Variants in PEX3 observed in about 807,000 individuals in gnomAD.
PEX3 encodes peroxisomal biogenesis factor 3.
PEX3 carries 30 observed loss-of-function variants against 55.8 expected under a neutral mutation model. The observed-to-expected ratio is 0.54, with a 90% CI of 0.40 to 0.73. PEX3 has a LOEUF of 0.73. Among genes scored for constraint, PEX3 ranks in the 30% least tolerant of loss-of-function variants. PEX3 has a pLI of 0.00. For synonymous variants in PEX3, 135 were observed against 148.4 expected (o/e 0.91, Z 0.66); for missense variants, 351 against 432.8 (o/e 0.81, Z 1.68).
rs1272163907 is a variant in PEX3, at chr6:143,454,103, A to G, written c.73+2988A>G. 1.3e-5 allele frequency among the ~76,000 whole-genome samples: 2 copies of G among 152,206 alleles called. No individual in the cohort carries two copies. The highest frequency in any genetic ancestry group is 1.5e-5 in the Non-Finnish European group (1 of 68,028). ...CATACATAACATTTTCAAAAAATTA[A>G]TGAGTGTCATTGTTTTACATTTTGC... On this transcript the variant is annotated intron_variant, in intron 1 of 11. Coordinates refer to ENST00000367591, the MANE Select transcript of PEX3 (RefSeq NM_003630.3). This position sits in a 1 kb window ranked among gnomAD's most constrained non-coding sequence, Gnocchi z 4.3.
intron 2 of PEX3, among the ~76,000 whole-genome samples, chr6:143,461,882 A>T (rs1779925192): frequency 6.6e-6 from 1 of 152,222 alleles, no homozygotes; most frequent in South Asian, 2.1e-4. Flanking sequence ...CAGGAGGTCA[A>T]GGCTGCAGTG....
intron 10 of PEX3, chr6:143,484,892 C>A: frequency 2.4e-6 from 1 of 421,702 alleles, no homozygotes; most frequent in Non-Finnish European, 4.4e-6. Flanking sequence ...AATAAAAATG[C>A]AAAAACAGTG....
chr6:143,481,913 A>C (rs995354226), intron 10 of PEX3, among the ~76,000 whole-genome samples: 4 of 152,004 alleles, frequency 2.6e-5, no homozygotes, highest in Admixed American at 6.6e-5. Flanking sequence ...GGCCACAGTG[A>C]GCTATGATCA....
chr6:143,459,258 C>A lies in PEX3; in HGVS notation c.205+42C>A. 6.4e-7 allele frequency: 1 copy of A among 1,566,740 alleles called. No individual in the cohort carries two copies. Among genetic ancestry groups the A allele is most frequent in the Non-Finnish European group, 8.8e-7 (1 of 1,138,512 alleles). On this transcript the variant is annotated intron_variant, in intron 2 of 11. Transcript: ENST00000367591. The surrounding 1 kb of genome is among the most constrained non-coding windows in gnomAD (Gnocchi z 4.2). ...TTTATACATGTGTAAAGTTGTTTGA[C>A]GGTTGTATTAATTTGCATATCACCG...
At chr6:143,468,033 T>G in intron 3 of PEX3, 89 bp from the exon 4 acceptor site, 1 of 758,502 alleles carries the variant, frequency 1.3e-6, no homozygotes, top group South Asian at 1.9e-5. Context: ...TAATTTTTTT[T>G]AAAAAGTAAA....
Position 143,489,482 on chromosome 6 carries a change from T to C in PEX3, c.*256T>C. 1 of 272,648 alleles carries C rather than the reference T, an allele frequency of 3.7e-6. No individual in the cohort carries two copies. Among genetic ancestry groups the C allele is most frequent in the Non-Finnish European group, 7.0e-6 (1 of 142,232 alleles). The allele number at this position is 272,648 out of a possible 1,614,324, so 16.9% of individuals were successfully genotyped here. On this transcript the variant is annotated 3_prime_UTR_variant, in exon 12 of 12. Coordinates refer to ENST00000367591, the MANE Select transcript of PEX3 (RefSeq NM_003630.3). This position sits in a 1 kb window ranked among gnomAD's most constrained non-coding sequence, Gnocchi z 5.5. ...AGAATTGTTAATAATTTGTTACACATGGACATTTGTTCCAAACTGACTAAA... is the reference window on the plus strand; with the variant it reads ...AGAATTGTTAATAATTTGTTACACACGGACATTTGTTCCAAACTGACTAAA...
rs1307736729 is a variant in PEX3 at position 143,463,017 on chromosome 6, T to G, written c.287+20T>G. 1.3e-6 allele frequency: 2 copies of G among 1,577,494 alleles called. No homozygotes were observed. Among genetic ancestry groups the G allele is most frequent in the East Asian group, 4.5e-5 (2 of 44,706 alleles). On this transcript the variant is annotated intron_variant, in intron 3 of 11. Transcript: ENST00000367591. The surrounding 1 kb of genome is among the most constrained non-coding windows in gnomAD (Gnocchi z 5.7). ...AAACAGGTAAATGCAAGTTACAGCA[T>G]TTTCTGTTTAAGCACTACACTTAAA...
intron 1 of PEX3, among the ~76,000 whole-genome samples, chr6:143,456,103 T>C (rs1779841993): frequency 6.6e-6 from 1 of 152,226 alleles, no homozygotes; most frequent in Admixed American, 6.5e-5. Context: ...TCATTGTTAA[T>C]ACATAAAGTC....
chr6:143,464,025 A>T lies in PEX3; in HGVS notation c.287+1028A>T, dbSNP rs1174334506. Among the ~76,000 whole-genome samples, 2 of 152,098 alleles carry T rather than the reference A, an allele frequency of 1.3e-5. No homozygotes were observed. The highest frequency in any genetic ancestry group is 1.9e-4 in the East Asian group (1 of 5,204). ...GCTAGTGATGGGGGTTTTCCATTTTAAATTTCTTCATTCTTAGAGGTAGAC... is the reference window on the plus strand; with the variant it reads ...GCTAGTGATGGGGGTTTTCCATTTTTAATTTCTTCATTCTTAGAGGTAGAC... On this transcript the variant is annotated intron_variant, in intron 3 of 11. Transcript: ENST00000367591. The surrounding 1 kb of genome is among the most constrained non-coding windows in gnomAD (Gnocchi z 5.8).
At position 143,475,200 on chromosome 6, in the gene PEX3, A is replaced by G. The variant is rs1780136135; in HGVS notation, c.818+344A>G. 6.6e-6 allele frequency among the ~76,000 whole-genome samples: 1 copy of G among 152,180 alleles called. No homozygotes were observed. Among genetic ancestry groups the G allele is most frequent in the South Asian group, 2.1e-4 (1 of 4,830 alleles). ...AGTGATCTTTTGCCATATCCAATGA[A>G]CCTGTAATGTTCATCTTACTTGACC... On this transcript the variant is annotated intron_variant, in intron 9 of 11. Transcript: ENST00000367591. The surrounding 1 kb of genome is among the most constrained non-coding windows in gnomAD (Gnocchi z 4.4).
rs397705490 is a variant in PEX3 at position 143,462,894 on chromosome 6, A to AT, written c.206-14dup. On this transcript the variant is annotated intron_variant, in intron 2 of 11. Coordinates refer to ENST00000367591, the MANE Select transcript of PEX3 (RefSeq NM_003630.3). The surrounding 1 kb of genome is among the most constrained non-coding windows in gnomAD (Gnocchi z 4.1). ...AGTCATATCACTTGTGACCTTTTTT[A>AT]TTTTTTTTGTTTGTATTACAGTGCT... 1.3e-5 allele frequency: 21 copies of AT among 1,587,106 alleles called. No individual in the cohort carries two copies. The African/African-American group carries it at 2.2e-4, about 16-fold the overall frequency.
At position 143,471,807 on chromosome 6, in the gene PEX3, T is replaced by C. The variant is rs558061998; in HGVS notation, c.578+196T>C. Among the ~76,000 whole-genome samples the C allele has an allele frequency of 2.0e-5, 3 of 152,240 alleles. No individual in the cohort carries two copies. The highest frequency in any genetic ancestry group is 4.1e-4 in the South Asian group (2 of 4,822). On this transcript the variant is annotated intron_variant, in intron 7 of 11. Coordinates refer to ENST00000367591, the MANE Select transcript of PEX3 (RefSeq NM_003630.3). This position sits in a 1 kb window ranked among gnomAD's most constrained non-coding sequence, Gnocchi z 5.4. ...TTTTTTTTTATACAGAGGGGAAAGT[T>C]TTAATGTTTCATTGTTAATTGATTG...
In PEX3 at chr6:143,485,961, A is replaced by G. The variant is rs538499438; in HGVS notation, c.1038+713A>G. On this transcript the variant is annotated intron_variant, in intron 11 of 11. Transcript: ENST00000367591. This position sits in a 1 kb window ranked among gnomAD's most constrained non-coding sequence, Gnocchi z 5.6. Reference sequence around the variant, plus strand: ...ATAATGTACAATGAGAAGAGACCCTATGGCCTAAGCATAAAGCTGACATCT... The same window carrying G: ...ATAATGTACAATGAGAAGAGACCCTGTGGCCTAAGCATAAAGCTGACATCT... 2.0e-5 allele frequency among the ~76,000 whole-genome samples: 3 copies of G among 152,276 alleles called. No homozygotes were observed. The highest frequency in any genetic ancestry group is 2.1e-4 in the South Asian group (1 of 4,830).
intron 8 of PEX3, among the ~76,000 whole-genome samples, chr6:143,472,632 A>T (rs1780090226): frequency 6.6e-6 from 1 of 152,208 alleles, no homozygotes; most frequent in Admixed American, 6.5e-5. Flanking sequence ...GGAACTGAAG[A>T]TACAAATTCA....
chr6:143,472,119 A>T, intron 7 of PEX3, 41 bp from the exon 8 acceptor site: 1 of 1,340,028 alleles, frequency 7.5e-7, no homozygotes, highest in Non-Finnish European at 1.1e-6. Flanking sequence ...GATGTGTTGT[A>T]TAGTTTCTAT....
In PEX3 at chr6:143,466,212, A is replaced by T. The variant is rs78550222; in HGVS notation, c.288-1910A>T. 6.6e-6 allele frequency among the ~76,000 whole-genome samples: 1 copy of T among 152,092 alleles called. No homozygotes were observed. The highest frequency in any genetic ancestry group is 1.5e-5 in the Non-Finnish European group (1 of 67,938). ...TCACTTTCCAAGGTTTCAGTTAGCC[A>T]TGACAACCATGGTCTAAAAATATTA... On this transcript the variant is annotated intron_variant, in intron 3 of 11. Coordinates refer to ENST00000367591, the MANE Select transcript of PEX3 (RefSeq NM_003630.3). This position sits in a 1 kb window ranked among gnomAD's most constrained non-coding sequence, Gnocchi z 5.4.
Position 143,479,848 on chromosome 6 carries a change from A to G in PEX3, c.941+650A>G, listed in dbSNP as rs1177568204. On this transcript the variant is annotated intron_variant, in intron 10 of 11. Coordinates refer to ENST00000367591, the MANE Select transcript of PEX3 (RefSeq NM_003630.3). This position sits in a 1 kb window ranked among gnomAD's most constrained non-coding sequence, Gnocchi z 4.6. Reference sequence around the variant, plus strand: ...ATATTAGAATTTATACTCTTTAAGGATTTCTATTTTGCAGTTTTTTATGTC... The same window carrying G: ...ATATTAGAATTTATACTCTTTAAGGGTTTCTATTTTGCAGTTTTTTATGTC... Among the ~76,000 whole-genome samples the G allele has an allele frequency of 6.6e-6, 1 of 152,040 alleles. No homozygotes were observed. The highest frequency in any genetic ancestry group is 1.5e-5 in the Non-Finnish European group (1 of 67,948).
In PEX3 at chr6:143,450,852, C is replaced by G; in HGVS notation, c.-191C>G. The G allele has an allele frequency of 1.3e-6, 1 of 763,166 alleles. No individual in the cohort carries two copies. The highest frequency in any genetic ancestry group is 2.3e-6 in the Non-Finnish European group (1 of 442,232). 47.3% of individuals were successfully genotyped at this position (763,166 alleles called of 1,614,324 possible). On this transcript the variant is annotated 5_prime_UTR_variant, in exon 1 of 12. Transcript: ENST00000367591. ...GCGGCAGCGGCAGAAAGCGTAGCTG[C>G]TTTGCTGTAGTCCACGCCCCCTTGC... is the stretch of plus-strand genomic sequence containing the variant.
intron 4 of PEX3, 83 bp from the exon 5 acceptor site, chr6:143,470,878 C>CA: frequency 2.5e-6 from 3 of 1,195,106 alleles, no homozygotes; most frequent in Admixed American, 1.9e-5. Flanking sequence ...AGTCATCTTA[C>CA]AAAAAAATAA....
Sources: allele counts gnomAD v4.1 joint callset (sites outside exome capture counted in the v4.1 genomes callset), GRCh38; gene constraint gnomAD v4.1.1; non-coding constraint Gnocchi (gnomAD v3.1); transcripts MANE v1.5; gene names NCBI Gene and HGNC (gene_info 2026-07-23, HGNC 2026-07-21).